The following RP1 variants were observed in gnomAD, a reference collection of about 807,000 sequenced individuals.
RP1 encodes RP1 axonemal microtubule associated.
Under a neutral mutation model 14.8 loss-of-function variants are expected in RP1, and 16 were observed. That is an observed-to-expected ratio of 1.08 (90% CI 0.73 to 1.65). The LOEUF (loss-of-function observed/expected upper bound fraction) is 1.65. Among genes scored for constraint, RP1 ranks in the 40% most tolerant of loss-of-function variants. RP1 has a pLI of 0.00. For synonymous variants in RP1, 876 were observed against 883.6 expected, an observed-to-expected ratio of 0.99 and a Z score of 0.15; for missense variants, 2,631 against 2,535.0, an observed-to-expected ratio of 1.04 and a Z score of -0.81.
intron 24 of RP1, among the ~76,000 whole-genome samples, chr8:54,823,216 T>G (rs1437849758): frequency 6.6e-6 from 1 of 152,230 alleles, no homozygotes; most frequent in South Asian, 2.1e-4. Context: ...ACCTCCACCC[T>G]GCCTACTATC....
At chr8:54,797,589 T>A (rs1417797425) in intron 24 of RP1, among the ~76,000 whole-genome samples, 2 of 151,816 alleles carry the variant, frequency 1.3e-5, no homozygotes, top group East Asian at 3.9e-4. Flanking sequence ...CTCAGTCCAC[T>A]GCATGTGTTA....
chr8:54,771,746 T>C (rs1245675381), downstream of RP1, among the ~76,000 whole-genome samples: 1 of 152,088 alleles, frequency 6.6e-6, no homozygotes, highest in Non-Finnish European at 1.5e-5. Flanking sequence ...TCTTGGGATA[T>C]GATTCTGGAA....
At chr8:54,709,229 T>C (rs935884615) in intron 15 of RP1, among the ~76,000 whole-genome samples, 9 of 152,202 alleles carry the variant, frequency 5.9e-5, no homozygotes, top group Admixed American at 3.3e-4. Context: ...TCTTTAGAAA[T>C]TTCCCAAGAA....
At chr8:54,770,553 GT>G (rs1809876381), downstream of RP1, among the ~76,000 whole-genome samples, 1 of 146,906 alleles carries the variant, frequency 6.8e-6, no homozygotes, top group Admixed American at 6.8e-5. Context: ...TGAAATCATG[GT>G]TTTAGGCAAT....
At chr8:54,865,666 T>G (rs1812440984) in intron 27 of RP1, among the ~76,000 whole-genome samples, 1 of 119,116 alleles carries the variant, frequency 8.4e-6, no homozygotes, top group Non-Finnish European at 1.8e-5. Flanking sequence ...AGTAATTAGG[T>G]TGCTCACTCA....
At chr8:54,797,530 A>AACACAC (rs3077304) in intron 24 of RP1, among the ~76,000 whole-genome samples, 72,304 of 148,150 alleles carry the variant, frequency 0.49, 17,519 homozygotes, top group African/African-American at 0.52. Context: ...CATAGGACTA[A>AACACAC]ACACACACAC....
rs771413524 is a variant in RP1, at chr8:54,627,702, T to C, written c.3820T>C (p.Cys1274Arg). The change falls in exon 4 of 4, where the codon TGT becomes CGT. Residue 1274 changes from cysteine (C) to arginine (R), a missense_variant. Cys to Arg is a radical substitution (Grantham distance 180, BLOSUM62 -3). Coordinates refer to ENST00000220676, the MANE Select transcript of RP1 (RefSeq NM_006269.2). ...VNKAYSPKETCNPSDTFFPSD... is the reference protein window; with the variant it reads ...VNKAYSPKETRNPSDTFFPSD... ...TAAGGCTTATTCTCCAAAAGAGACA[T>C]GTAACCCCAGTGACACTTTTTTTCC... is the stretch of plus-strand genomic sequence containing the variant. The C allele has an allele frequency of 2.5e-6, 4 of 1,614,182 alleles. No individual in the cohort carries two copies. The highest frequency in any genetic ancestry group is 2.2e-5 in the South Asian group (2 of 91,084).
intron 24 of RP1, among the ~76,000 whole-genome samples, chr8:54,824,643 A>G (rs533345289): frequency 6.6e-6 from 1 of 152,358 alleles, no homozygotes; most frequent in East Asian, 1.9e-4. Context: ...CCTCATGAGT[A>G]TAGATACAAA....
intron 24 of RP1, among the ~76,000 whole-genome samples, chr8:54,834,003 C>A (rs1032363944): frequency 1.3e-5 from 2 of 152,044 alleles, no homozygotes; most frequent in Non-Finnish European, 2.9e-5. Flanking sequence ...GCAGTCTATT[C>A]TCTGCCAAAT....
Position 54,859,372 on chromosome 8 carries a change from GCA to G in RP1, c.4069+2267_4069+2268del, listed in dbSNP as rs1812286965. On this transcript the variant is annotated intron_variant, in intron 27 of 28. Coordinates refer to the RP1 transcript ENST00000637698. ...TCCCTGTGGAGTGTGTCACTGTGGAGCATTGTCACTATGGAGTGGTATCACTG... is the reference window on the plus strand; with the variant it reads ...TCCCTGTGGAGTGTGTCACTGTGGAGTTGTCACTATGGAGTGGTATCACTG... Among the ~76,000 whole-genome samples the G allele has an allele frequency of 2.3e-4, 35 of 149,872 alleles. 1 individual carries two copies.
chr8:54,611,916 T>C (rs772472203), upstream of RP1, among the ~76,000 whole-genome samples: 1 of 137,144 alleles, frequency 7.3e-6, no homozygotes, highest in Non-Finnish European at 1.6e-5. Context: ...TTCCTTCCTA[T>C]TCCCCCCTGC....
intron 6 of RP1, among the ~76,000 whole-genome samples, chr8:54,660,212 A>G (rs1285217790): frequency 6.6e-6 from 1 of 152,092 alleles, no homozygotes; most frequent in East Asian, 1.9e-4. Context: ...ACTTTCAGTC[A>G]TATGTTGAAT....
intron 12 of RP1, among the ~76,000 whole-genome samples, chr8:54,694,179 A>G (rs923805520): frequency 6.6e-6 from 1 of 152,158 alleles, no homozygotes; most frequent in African/African-American, 2.4e-5. Flanking sequence ...CCACTTGATC[A>G]TAGTGGATAA....
intron 19 of RP1, among the ~76,000 whole-genome samples, chr8:54,752,124 T>A (rs1809387177): frequency 6.6e-6 from 1 of 152,212 alleles, no homozygotes; most frequent in South Asian, 2.1e-4. Flanking sequence ...CAATACTTGG[T>A]ATAACAAAAC....
At chr8:54,754,660 T>A in intron 19 of RP1, 1 of 770,438 alleles carries the variant, frequency 1.3e-6, no homozygotes, top group Non-Finnish European at 1.8e-6. Context: ...AACCTACGAC[T>A]ACTACTACTA....
Position 54,588,771 on chromosome 8 carries a change from C to T in RP1, c.-13+29451C>T, listed in dbSNP as rs372615001. ...CTTAATTTTAATATTCTTTGCTTTT[C>T]GGCTTTTGTTCAGATACTGTATCCT... On this transcript the variant is annotated intron_variant, in intron 1 of 22. Coordinates refer to the RP1 transcript ENST00000636932. Among the ~76,000 whole-genome samples, 23 of 152,230 alleles carry T rather than the reference C, an allele frequency of 1.5e-4. No individual in the cohort carries two copies. In the East Asian group the frequency reaches 2.1e-3, roughly 14 times the overall value.
At chr8:54,807,927 G>A (rs1810897786) in intron 24 of RP1, among the ~76,000 whole-genome samples, 1 of 151,746 alleles carries the variant, frequency 6.6e-6, no homozygotes, top group Admixed American at 6.6e-5. Context: ...TCCACATTAT[G>A]GAAGGCAATC....
chr8:54,805,708 A>G (rs1328314623), intron 24 of RP1, among the ~76,000 whole-genome samples: 2 of 148,284 alleles, frequency 1.3e-5, no homozygotes, highest in African/African-American at 2.5e-5. Flanking sequence ...AATGTTTTCC[A>G]TTTCTCTAGT....
intron 24 of RP1, among the ~76,000 whole-genome samples, chr8:54,798,158 C>A (rs1810619564): frequency 6.6e-6 from 1 of 152,028 alleles, no homozygotes; most frequent in African/African-American, 2.4e-5. Context: ...GGACTACAGG[C>A]ACGTGCCACC....
Sources: gnomAD v4.1 joint callset for allele counts (sites outside exome capture counted in the v4.1 genomes callset) on GRCh38, gnomAD v4.1.1 for gene constraint, MANE v1.5 for transcripts, NCBI Gene and HGNC (gene_info 2026-07-23, HGNC 2026-07-21) for gene names.